Variants in OSBPL8 observed in about 807,000 individuals in gnomAD.
OSBPL8 encodes oxysterol binding protein like 8, also known as oxysterol-binding protein-related protein 8.
A neutral mutation model predicts 125.5 loss-of-function variants in OSBPL8; 59 were observed. That is an observed-to-expected ratio of 0.47 (90% confidence interval 0.38 to 0.58). The LOEUF is 0.58. OSBPL8 is among the 20% of genes least tolerant of loss of function. The pLI is 0.00. For synonymous variants in OSBPL8, 330 were observed against 338.9 expected (o/e 0.97, Z 0.29); for missense variants, 758 against 1,047.8 (o/e 0.72, Z 3.82).
chr12:76,553,336 C>T (rs1005093339), intron 1 of OSBPL8, among the ~76,000 whole-genome samples: 7 of 152,030 alleles, frequency 4.6e-5, no homozygotes, highest in Non-Finnish European at 4.4e-5. Context: ...CTCAACAGGA[C>T]AGATTTCAAC....
intron 17 of OSBPL8, among the ~76,000 whole-genome samples, chr12:76,374,875 T>A (rs961390071): frequency 1.3e-5 from 2 of 152,166 alleles, no homozygotes; most frequent in Non-Finnish European, 2.9e-5. Context: ...ACAGAAATAG[T>A]GACTAATACA....
At chr12:76,479,556 G>A (rs995401581) in intron 2 of OSBPL8, among the ~76,000 whole-genome samples, 1 of 152,108 alleles carries the variant, frequency 6.6e-6, no homozygotes, top group Non-Finnish European at 1.5e-5. Flanking sequence ...CATAAAGAGA[G>A]AGAATCAGAC....
intron 1 of OSBPL8, among the ~76,000 whole-genome samples, chr12:76,503,848 C>T (rs908518627): frequency 3.3e-5 from 5 of 151,928 alleles, no homozygotes; most frequent in African/African-American, 7.3e-5. Context: ...TGGCCTATAA[C>T]AAGTATGTTT....
At chr12:76,366,496 G>A (rs757439981) in intron 21 of OSBPL8, 1 of 362,578 alleles carries the variant, frequency 2.8e-6, no homozygotes, top group Non-Finnish European at 5.4e-6. Context: ...GCAACTTTTG[G>A]TTTGGTTTCA....
rs559356132 is a variant in OSBPL8, at chr12:76,492,555, A to C, written c.-67-4937T>G. On this transcript the variant is annotated intron_variant, in intron 1 of 23. Transcript: ENST00000261183. ...ATCTGTATTTACAGCAACTCCCCAT[A>C]ATTTGCATTACCACCTGAGCTCCGC... 8.1e-4 allele frequency among the ~76,000 whole-genome samples: 123 copies of C among 152,262 alleles called. 1 individual carries two copies. The South Asian group carries it at 8.3e-3, about 10-fold the overall frequency.
chr12:76,545,198 T>A (rs1340113321), intron 1 of OSBPL8, among the ~76,000 whole-genome samples: 2 of 152,206 alleles, frequency 1.3e-5, no homozygotes, highest in Non-Finnish European at 2.9e-5. Flanking sequence ...AATATGATAC[T>A]GGCAACCATA....
intron 4 of OSBPL8, among the ~76,000 whole-genome samples, chr12:76,424,907 T>C (rs1869969507): frequency 6.6e-6 from 1 of 152,156 alleles, no homozygotes; most frequent in African/African-American, 2.4e-5. Context: ...ACAACATAAA[T>C]TTGACACTGC....
intron 3 of OSBPL8, among the ~76,000 whole-genome samples, chr12:76,451,909 A>G (rs1406843189): frequency 6.6e-6 from 1 of 152,174 alleles, no homozygotes; most frequent in Non-Finnish European, 1.5e-5. Flanking sequence ...ACCTGAGGCC[A>G]GGAGTTCGAG....
Position 76,380,436 on chromosome 12 carries a change from T to A in OSBPL8, c.1631-1886A>T, listed in dbSNP as rs142044551. On this transcript the variant is annotated intron_variant, in intron 15 of 23. Coordinates refer to ENST00000261183, the MANE Select transcript of OSBPL8 (RefSeq NM_020841.5). ...TCATTCTGAGCCAGGCATGGTGATG[T>A]GTGCCTGTAATCCCAGCTACTCAGG... Among the ~76,000 whole-genome samples, 1,296 of 147,718 alleles carry A rather than the reference T, an allele frequency of 8.8e-3. 25 individuals are homozygous for A. Among genetic ancestry groups the A allele is most frequent in the African/African-American group, 0.031 (1,241 of 40,454 alleles).
intron 15 of OSBPL8, among the ~76,000 whole-genome samples, chr12:76,381,743 T>C (rs78575825): frequency 6.6e-6 from 1 of 151,758 alleles, no homozygotes. Flanking sequence ...TTTTTTTTTT[T>C]CCTTTCTTGA....
chr12:76,465,562 AAAAATAAAAT>A lies in OSBPL8; in HGVS notation c.43-5677_43-5668del, dbSNP rs899272373. ...GCGACAGAGCAAGACTCCGTCTCAA[AAAAATAAAAT>A]AAAATAAAATAAAAATAAAAAGATG... On this transcript the variant is annotated intron_variant, in intron 2 of 23. Coordinates refer to ENST00000261183, the MANE Select transcript of OSBPL8 (RefSeq NM_020841.5). Among the ~76,000 whole-genome samples, 3 of 152,176 alleles carry A rather than the reference AAAAATAAAAT, an allele frequency of 2.0e-5. No homozygotes were observed. In the East Asian group the frequency reaches 5.8e-4, roughly 29 times the overall value.
chr12:76,482,622 A>G (rs1292410858), intron 2 of OSBPL8, among the ~76,000 whole-genome samples: 2 of 152,212 alleles, frequency 1.3e-5, no homozygotes, highest in Admixed American at 6.5e-5. Context: ...TCAAAAAAAA[A>G]AAATCAAGAT....
At chr12:76,529,365 T>C (rs747604199) in intron 1 of OSBPL8, among the ~76,000 whole-genome samples, 10 of 152,066 alleles carry the variant, frequency 6.6e-5, no homozygotes, top group Non-Finnish European at 1.3e-4. Flanking sequence ...AGTTGGTGAG[T>C]GGATTTGTAG....
chr12:76,352,230 T>C lies in OSBPL8; in HGVS notation c.*3659A>G, dbSNP rs1951849598. ...AAATTTTGATACTGTAAAACAGTTT[T>C]ACATAATAAATGCAAAAAGATAACA... On this transcript the variant is annotated 3_prime_UTR_variant, in exon 24 of 24. Transcript: ENST00000261183. 1 of 152,564 alleles carries C rather than the reference T, an allele frequency of 6.6e-6. No individual in the cohort carries two copies. The highest frequency in any genetic ancestry group is 2.1e-4 in the South Asian group (1 of 4,832). The allele number at this position is 152,564 out of a possible 1,614,324, so 9.5% of individuals were successfully genotyped here.
chr12:76,437,950 T>C (rs912507464), intron 4 of OSBPL8, among the ~76,000 whole-genome samples: 21 of 152,194 alleles, frequency 1.4e-4, no homozygotes, highest in African/African-American at 5.1e-4. Flanking sequence ...CACACAGAAC[T>C]GCAGTTAACA....
intron 5 of OSBPL8, among the ~76,000 whole-genome samples, chr12:76,405,863 C>T (rs192273863): frequency 6.6e-6 from 1 of 152,154 alleles, no homozygotes; most frequent in East Asian, 1.9e-4. Flanking sequence ...TACTGCTTCC[C>T]TCTTTGTTAA....
At chr12:76,396,893 C>T (rs1953829641) in intron 8 of OSBPL8, among the ~76,000 whole-genome samples, 1 of 152,072 alleles carries the variant, frequency 6.6e-6, no homozygotes, top group African/African-American at 2.4e-5. Context: ...CTCACTGAAG[C>T]CTCCTCGACC....
At chr12:76,500,724 C>CT (rs1016756294) in intron 1 of OSBPL8, among the ~76,000 whole-genome samples, 32 of 151,716 alleles carry the variant, frequency 2.1e-4, no homozygotes, top group Admixed American at 1.5e-3. Flanking sequence ...CTTCTTTTTT[C>CT]TTTTTTTTCT....
At chr12:76,503,530 T>G (rs1178330484) in intron 1 of OSBPL8, among the ~76,000 whole-genome samples, 4 of 152,190 alleles carry the variant, frequency 2.6e-5, no homozygotes, top group Non-Finnish European at 5.9e-5. Flanking sequence ...ATTCAGCTTA[T>G]AACAAGTATG....
Sources: allele counts gnomAD v4.1 joint callset (sites outside exome capture counted in the v4.1 genomes callset), GRCh38; gene constraint gnomAD v4.1.1; transcripts MANE v1.5; gene names NCBI Gene and HGNC (gene_info 2026-07-23, HGNC 2026-07-21).